MYOM1: variants seen among roughly 807,000 people sequenced by gnomAD.
The protein encoded by MYOM1 is myomesin-1.
A neutral mutation model predicts 205.3 loss-of-function variants in MYOM1; 164 were observed. The ratio of observed to expected loss-of-function variants is 0.80; its 90% CI spans 0.70 to 0.91. The LOEUF (loss-of-function observed/expected upper bound fraction) is 0.91, where lower values mean the gene tolerates loss of function less well. Ranked by LOEUF, MYOM1 falls within the 40% of genes least tolerant of loss-of-function variation. The probability of loss-of-function intolerance (pLI) is 0.00; values close to 1 mark genes in which losing one functional copy is unlikely to be tolerated. For synonymous variants in MYOM1, 772 were observed against 789.4 expected (o/e 0.98, Z 0.37); for missense variants, 2,011 against 2,127.3 (o/e 0.95, Z 1.08).
chr18:3,111,419 G>A (rs1056189797), intron 22 of MYOM1, among the ~76,000 whole-genome samples: 3 of 152,000 alleles, frequency 2.0e-5, no homozygotes, highest in African/African-American at 4.8e-5. Flanking sequence ...AGTAATCACG[G>A]CATCTTTGAA....
chr18:3,116,599 A>G, intron 20 of MYOM1, 84 bp from the exon 21 acceptor site: 14 of 1,243,290 alleles, frequency 1.1e-5, no homozygotes, highest in Middle Eastern at 2.1e-4. Context: ...TAAGTCTTCA[A>G]GCTAATCTAA....
At chr18:3,096,838 G>C (rs145848906) in intron 25 of MYOM1, among the ~76,000 whole-genome samples, 134 of 152,126 alleles carry the variant, frequency 8.8e-4, no homozygotes, top group African/African-American at 3.1e-3. Context: ...TTGGTGTATG[G>C]ATATATATTC....
chr18:3,111,640 C>G (rs1288297891), intron 22 of MYOM1, among the ~76,000 whole-genome samples: 1 of 152,042 alleles, frequency 6.6e-6, no homozygotes, highest in Non-Finnish European at 1.5e-5. Flanking sequence ...GAAAATTATA[C>G]AAGATTGAAA....
chr18:3,090,217 ATTTTT>A (rs71159040), intron 27 of MYOM1, among the ~76,000 whole-genome samples: 1 of 124,644 alleles, frequency 8.0e-6, no homozygotes, highest in Non-Finnish European at 1.6e-5. Flanking sequence ...TGAAAACTGT[ATTTTT>A]TTTTTTTTTT....
intron 30 of MYOM1, 74 bp from the exon 31 acceptor site, chr18:3,085,206 T>C (rs935106514): frequency 8.2e-5 from 54 of 659,890 alleles, no homozygotes; most frequent in Admixed American, 1.4e-4. Flanking sequence ...TTTTTTTTTC[T>C]TCTGCTTCTT....
chr18:3,126,723 G>A lies in MYOM1; in HGVS notation c.2969C>T (p.Ala990Val), dbSNP rs2079790321. ...PGKWREANVKAVSEEAYKISN... is the reference protein window; with the variant it reads ...PGKWREANVKVVSEEAYKISN... ...TACCTTGTATGCCTCCTCACTGACA[G>A]CCTTGACATTGGCTTCTCTCCATTT... Residue 990 changes from alanine to valine, a missense_variant, in exon 19 of 38, where the codon GCT (alanine) becomes GTT (valine). Physicochemically the swap from Ala to Val is moderately conservative, Grantham distance 64. Coordinates refer to ENST00000356443, the MANE Select transcript of MYOM1 (RefSeq NM_003803.4). 6.2e-7 allele frequency: 1 copy of A among 1,613,550 alleles called. No homozygotes were observed. The highest frequency in any genetic ancestry group is 1.3e-5 in the African/African-American group (1 of 75,028).
rs1407142358 is a variant in MYOM1, at chr18:3,179,496, C to CA, written c.930-3363dup. Among the ~76,000 whole-genome samples the CA allele has an allele frequency of 6.6e-6, 1 of 152,144 alleles. No homozygotes were observed. The highest frequency in any genetic ancestry group is 1.5e-5 in the Non-Finnish European group (1 of 68,014). On this transcript the variant is annotated intron_variant, in intron 5 of 37. Transcript: ENST00000356443. The surrounding 1 kb of genome is among the most constrained non-coding windows in gnomAD (Gnocchi z 4.4). ...AATGCACACGAAGAAAGTAAGTTGA[C>CA]AGTCTCAGTTCCCTCAGATGTGAAA...
upstream of MYOM1, among the ~76,000 whole-genome samples, chr18:3,220,674 G>A (rs1209085301): frequency 2.0e-5 from 3 of 152,180 alleles, no homozygotes; most frequent in Non-Finnish European, 4.4e-5. Flanking sequence ...TGTGGATTCA[G>A]ACCAGATCTA....
chr18:3,108,466 A>G (rs993229409), intron 22 of MYOM1, among the ~76,000 whole-genome samples: 7 of 152,230 alleles, frequency 4.6e-5, no homozygotes, highest in Admixed American at 2.6e-4. Context: ...CAAAAGGTAC[A>G]TGATACTCAA....
chr18:3,235,017 A>C, the MYOM1 span, among the ~76,000 whole-genome samples: 1 of 151,726 alleles, frequency 6.6e-6, no homozygotes, highest in Non-Finnish European at 1.5e-5. Context: ...TCAGCCTCCC[A>C]AAGTACTGGG....
chr18:3,090,784 C>T lies in MYOM1; in HGVS notation c.3883G>A (p.Asp1295Asn). 1 of 1,613,738 alleles carries T rather than the reference C, an allele frequency of 6.2e-7. No individual in the cohort carries two copies. The highest frequency in any genetic ancestry group is 8.5e-7 in the Non-Finnish European group (1 of 1,179,786). ...ATTTCGATGATGCCAGTGTTTCGGT[C>T]AATATGCATTTTATATTTCTTCAGT... ...FEGPKYKMHI[D>N]RNTGIIEMFM... Residue 1295 changes from aspartate (D) to asparagine (N), a missense_variant, in exon 27 of 38, where the codon GAC becomes AAC. Coordinates refer to ENST00000356443, the MANE Select transcript of MYOM1 (RefSeq NM_003803.4).
intron 4 of MYOM1, 128 bp downstream of exon 4, chr18:3,188,620 C>G: frequency 9.5e-7 from 1 of 1,050,926 alleles, no homozygotes; most frequent in Non-Finnish European, 1.3e-6. Context: ...CAGAGTGAGA[C>G]TCCATCTCAA....
chr18:3,110,050 G>T (rs920199972), intron 22 of MYOM1, among the ~76,000 whole-genome samples: 2 of 152,090 alleles, frequency 1.3e-5, no homozygotes, highest in Non-Finnish European at 1.5e-5. Flanking sequence ...CACAAAAAAT[G>T]ATAATAAAGG....
intron 10 of MYOM1, among the ~76,000 whole-genome samples, chr18:3,160,471 C>T (rs778396671): frequency 6.6e-6 from 1 of 152,142 alleles, no homozygotes; most frequent in Non-Finnish European, 1.5e-5. Context: ...CAGGCGTGAG[C>T]CATTGTACCT....
chr18:3,193,349 T>TATGTATATGTACATATAC (rs1567961394), intron 3 of MYOM1, among the ~76,000 whole-genome samples: 5 of 137,210 alleles, frequency 3.6e-5, no homozygotes, highest in African/African-American at 1.5e-4. Flanking sequence ...TACATATACA[T>TATGTATATGTACATATAC]ATATATATAT....
chr18:3,216,517 T>C (rs1178389295), intron 1 of MYOM1, among the ~76,000 whole-genome samples: 1 of 152,192 alleles, frequency 6.6e-6, no homozygotes, highest in Non-Finnish European at 1.5e-5. Context: ...AGCATGAGAC[T>C]TTCTGGGGAA....
At chr18:3,198,489 G>A (rs2081022121) in intron 2 of MYOM1, among the ~76,000 whole-genome samples, 1 of 152,148 alleles carries the variant, frequency 6.6e-6, no homozygotes, top group African/African-American at 2.4e-5. Flanking sequence ...TGAATGAAGT[G>A]AAATAAAGAT....
chr18:3,118,675 C>T lies in MYOM1; in HGVS notation c.3118+1194G>A, dbSNP rs1159554747. 3.3e-5 allele frequency among the ~76,000 whole-genome samples: 5 copies of T among 152,066 alleles called. No homozygotes were observed. In the South Asian group the frequency reaches 6.2e-4, roughly 19 times the overall value. On this transcript the variant is annotated intron_variant, in intron 20 of 37. Coordinates refer to ENST00000356443, the MANE Select transcript of MYOM1 (RefSeq NM_003803.4). ...ATCAAAAAAAATTTCTACAGGCCTG[C>T]TCGGAATTTCTTAGTCTCTAGTCGA...
At chr18:3,119,000 C>G (rs961727659) in intron 20 of MYOM1, among the ~76,000 whole-genome samples, 1 of 152,134 alleles carries the variant, frequency 6.6e-6, no homozygotes, top group East Asian at 1.9e-4. Flanking sequence ...AATCACCCCC[C>G]GCATACCTTA....
Sources: allele counts gnomAD v4.1 joint callset (sites outside exome capture counted in the v4.1 genomes callset), GRCh38; gene constraint gnomAD v4.1.1; non-coding constraint Gnocchi (gnomAD v3.1); transcripts MANE v1.5; gene names NCBI Gene and HGNC (gene_info 2026-07-23, HGNC 2026-07-21).